Variants in INAVA observed in about 807,000 individuals in gnomAD.
INAVA encodes innate immunity activator.
Under a neutral mutation model 55.3 loss-of-function variants are expected in INAVA, and 32 were observed. The observed-to-expected ratio is 0.58, with a 90% CI of 0.44 to 0.78. The LOEUF (loss-of-function observed/expected upper bound fraction) is 0.78. Ranked by LOEUF, INAVA falls within the 30% of genes least tolerant of loss-of-function variation. The pLI, the probability that INAVA is intolerant of heterozygous loss-of-function variation, is 0.00. For synonymous variants in INAVA, 294 were observed against 329.4 expected (o/e 0.89, Z 1.16); for missense variants, 756 against 786.4 (o/e 0.96, Z 0.46).
upstream of INAVA, among the ~76,000 whole-genome samples, chr1:200,894,612 G>C (rs1407597912): frequency 6.6e-6 from 1 of 152,302 alleles, no homozygotes; most frequent in East Asian, 1.9e-4. Flanking sequence ...TCAAAGGAAG[G>C]CAGGGAGAGC....
chr1:200,909,105 C>A, intron 7 of INAVA, 119 bp from the exon 8 acceptor site: 1 of 1,324,914 alleles, frequency 7.5e-7, no homozygotes, highest in Admixed American at 2.5e-5. Flanking sequence ...CCCAAGGGTG[C>A]TGGCAGTTTG....
chr1:200,894,709 G>C (rs1668303549), upstream of INAVA: 2 of 809,748 alleles, frequency 2.5e-6, no homozygotes, highest in African/African-American at 1.9e-5. Context: ...CATGACTCTT[G>C]TTGTTGTCTT....
Position 200,911,877 on chromosome 1 carries a change from G to C in INAVA, c.1384G>C (p.Glu462Gln). 2 of 1,588,244 alleles carry C rather than the reference G, an allele frequency of 1.3e-6. No homozygotes were observed. Among genetic ancestry groups the C allele is most frequent in the Non-Finnish European group, 1.7e-6 (2 of 1,174,252 alleles). The change falls in exon 9 of 10, where the codon GAG becomes CAG. Residue 462 changes from glutamate to glutamine, a missense_variant. By Grantham distance (29) the Glu-to-Gln change is conservative. This residue lies in a region of INAVA where 639 missense variants were observed against 624.3 expected (regional missense o/e 1.02). Coordinates refer to ENST00000413687, the MANE Select transcript of INAVA (RefSeq NM_001142569.3). ...LRRAAPGPAY[E>Q]EEGTPLRYQR... ...CCGCGCAGCCCCGGGCCCTGCTTACGAGGAGGAGGGCACTCCCCTGCGCTA... is the reference window on the plus strand; with the variant it reads ...CCGCGCAGCCCCGGGCCCTGCTTACCAGGAGGAGGGCACTCCCCTGCGCTA...
rs1051390787 is a variant in INAVA at position 200,894,942 on chromosome 1, C to T, written c.-240C>T. On this transcript the variant is annotated 5_prime_UTR_variant, in exon 1 of 10. In the 5' UTR this introduces an upstream ATG that the reference lacks. Transcript: ENST00000413687. ...GGCAAGGTAGGCAGGTGAGCCGAGACGGACGGACGGCCAGCAGCTCCGTCA... is the reference window on the plus strand; with the variant it reads ...GGCAAGGTAGGCAGGTGAGCCGAGATGGACGGACGGCCAGCAGCTCCGTCA... The T allele has an allele frequency of 1.4e-5, 14 of 985,630 alleles. No individual in the cohort carries two copies. The highest frequency in any genetic ancestry group is 4.7e-5 in the South Asian group (1 of 21,284). The allele number at this position is 985,630 out of a possible 1,614,324, so 61.1% of individuals were successfully genotyped here.
At chr1:200,902,271 G>A (rs1653292811) in intron 5 of INAVA, among the ~76,000 whole-genome samples, 1 of 152,238 alleles carries the variant, frequency 6.6e-6, no homozygotes, top group Non-Finnish European at 1.5e-5. Flanking sequence ...TAGTCCCTGT[G>A]CCCTGCAGCC....
intron 8 of INAVA, 65 bp downstream of exon 8, chr1:200,909,462 C>G: frequency 7.3e-7 from 1 of 1,360,850 alleles, no homozygotes; most frequent in Non-Finnish European, 9.7e-7. Context: ...AGGGTGGGAG[C>G]TCCCAGGACA....
chr1:200,895,076 G>T lies in INAVA; in HGVS notation c.-106G>T. The T allele has an allele frequency of 2.0e-6, 2 of 985,698 alleles. No individual in the cohort carries two copies. The highest frequency in any genetic ancestry group is 2.4e-6 in the Non-Finnish European group (2 of 830,182). The allele number at this position is 985,698 out of a possible 1,614,324, so 61.1% of individuals were successfully genotyped here. A position where few individuals can be genotyped will look rare whatever the true frequency, so the allele number is the denominator to read the frequency against. ...GCTGTTTTTCAACTCCTGGACTAAAGCCCAGAAGCAGGTGAGGGCGGGGGA... is the reference window on the plus strand; with the variant it reads ...GCTGTTTTTCAACTCCTGGACTAAATCCCAGAAGCAGGTGAGGGCGGGGGA... On this transcript the variant is annotated 5_prime_UTR_variant, in exon 1 of 10. Transcript: ENST00000413687.
At chr1:200,897,457 C>T (rs1006366832) in intron 1 of INAVA, among the ~76,000 whole-genome samples, 3 of 152,146 alleles carry the variant, frequency 2.0e-5, no homozygotes, top group Admixed American at 6.5e-5. Context: ...GAGTCCAGGG[C>T]GCCAATTCAG....
At position 200,909,410 on chromosome 1, in the gene INAVA, T is replaced by C; in HGVS notation, c.959+13T>C. 6.4e-7 allele frequency: 1 copy of C among 1,558,296 alleles called. No individual in the cohort carries two copies. Among genetic ancestry groups the C allele is most frequent in the Non-Finnish European group, 8.7e-7 (1 of 1,146,264 alleles). ...CGCAGTCTCTGAGGTAAGAGACAGC[T>C]TCCCCAGAGAGATGGGGGACCCACT... On this transcript the variant is annotated intron_variant, in intron 8 of 9. Transcript: ENST00000413687.
At position 200,899,519 on chromosome 1, in the gene INAVA, G is replaced by C. The variant is rs1280549184; in HGVS notation, c.102G>C (p.Val34=). 3.1e-6 allele frequency: 5 copies of C among 1,613,910 alleles called. No homozygotes were observed. Among genetic ancestry groups the C allele is most frequent in the Non-Finnish European group, 4.2e-6 (5 of 1,179,996 alleles). The change falls in exon 3 of 10, where the codon GTG becomes GTC. Residue 34 remains valine (V), a synonymous_variant. Coordinates refer to ENST00000413687, the MANE Select transcript of INAVA (RefSeq NM_001142569.3). ...CAATGAAGGAGCTGACCCATGCAGT[G>C]CACAAGCAGCAGAGGGCCCTGGAAG... ...VSPMKELTHA[V]HKQQRALEAR...
At chr1:200,895,303 A>G (rs1317775893) in intron 1 of INAVA, among the ~76,000 whole-genome samples, 1 of 152,020 alleles carries the variant, frequency 6.6e-6, no homozygotes, top group Non-Finnish European at 1.5e-5. Context: ...GAGAGCAAGC[A>G]GAGATGAGCT....
intron 2 of INAVA, among the ~76,000 whole-genome samples, chr1:200,898,808 G>C (rs556262439): frequency 1.5e-4 from 23 of 152,332 alleles, no homozygotes; most frequent in African/African-American, 5.3e-4. Context: ...GGGAGGCCAA[G>C]GTGGGCGGAT....
rs148022481 is a variant in INAVA, at chr1:200,897,575, C to T, written c.-94-732C>T. On this transcript the variant is annotated intron_variant, in intron 1 of 9. Coordinates refer to ENST00000413687, the MANE Select transcript of INAVA (RefSeq NM_001142569.3). Reference sequence around the variant, plus strand: ...CTGGGGCGTAGGACATGCCTCACACCTCCTGGGTTCTTGGGTTGAGGATAG... The same window carrying T: ...CTGGGGCGTAGGACATGCCTCACACTTCCTGGGTTCTTGGGTTGAGGATAG... Among the ~76,000 whole-genome samples, 289 of 152,302 alleles carry T rather than the reference C, an allele frequency of 1.9e-3. 1 individual carries two copies. The highest frequency in any genetic ancestry group is 6.5e-3 in the African/African-American group (270 of 41,564).
At position 200,898,363 on chromosome 1, in the gene INAVA, C is replaced by A. The variant is rs750294260; in HGVS notation, c.-38C>A. Reference sequence around the variant, plus strand: ...GGCCCAGGCTGGTCACGGTGTCCCCCCTCCCTGCTCTGTGCCCTCTCCTTC... The same window carrying A: ...GGCCCAGGCTGGTCACGGTGTCCCCACTCCCTGCTCTGTGCCCTCTCCTTC... On this transcript the variant is annotated 5_prime_UTR_variant, in exon 2 of 10. Coordinates refer to ENST00000413687, the MANE Select transcript of INAVA (RefSeq NM_001142569.3). 4.3e-6 allele frequency: 7 copies of A among 1,614,140 alleles called. No homozygotes were observed. Among genetic ancestry groups the A allele is most frequent in the African/African-American group, 4.0e-5 (3 of 75,042 alleles).
intron 4 of INAVA, among the ~76,000 whole-genome samples, 191 bp downstream of exon 4, chr1:200,900,411 A>G (rs1055308698): frequency 2.0e-5 from 3 of 152,216 alleles, no homozygotes; most frequent in Non-Finnish European, 2.9e-5. Flanking sequence ...GGCGCCACTA[A>G]GGAACCGAGA....
In INAVA at chr1:200,906,987, G is replaced by A. The variant is rs377198766; in HGVS notation, c.521-847G>A. On this transcript the variant is annotated intron_variant, in intron 5 of 9. Coordinates refer to ENST00000413687, the MANE Select transcript of INAVA (RefSeq NM_001142569.3). ...ACTACAGGCATGCACCATCATGCCTGGCTAATTTTCGTATTTTTTGTAGAG... is the reference window on the plus strand; with the variant it reads ...ACTACAGGCATGCACCATCATGCCTAGCTAATTTTCGTATTTTTTGTAGAG... 7.2e-5 allele frequency among the ~76,000 whole-genome samples: 11 copies of A among 152,160 alleles called. No homozygotes were observed. The East Asian group carries it at 1.7e-3, about 24-fold the overall frequency.
intron 2 of INAVA, 127 bp downstream of exon 2, chr1:200,898,582 A>T (rs1653067416): frequency 9.6e-7 from 1 of 1,045,464 alleles, no homozygotes; most frequent in Non-Finnish European, 1.4e-6. Flanking sequence ...AAGGGCTGAG[A>T]GGAAGGGGAG....
chr1:200,903,803 CAAAAAAAAAA>C (rs35993705), intron 5 of INAVA, among the ~76,000 whole-genome samples: 5 of 89,934 alleles, frequency 5.6e-5, no homozygotes, highest in African/African-American at 2.2e-4. Context: ...AACTCTGTCT[CAAAAAAAAAA>C]AAAAAAAAAA....
intron 4 of INAVA, among the ~76,000 whole-genome samples, 167 bp downstream of exon 4, chr1:200,900,387 G>T (rs1653193370): frequency 6.6e-6 from 1 of 152,232 alleles, no homozygotes; most frequent in Non-Finnish European, 1.5e-5. Flanking sequence ...TAGCCCAAAT[G>T]GCTGTGGAGA....
Sources: gnomAD v4.1 joint callset for allele counts (sites outside exome capture counted in the v4.1 genomes callset) on GRCh38, gnomAD v4.1.1 for gene constraint, gnomAD v4.1.1 regional missense constraint, MANE v1.5 for transcripts, NCBI Gene and HGNC (gene_info 2026-07-23, HGNC 2026-07-21) for gene names.